Variants in SYT2 observed in about 807,000 individuals in gnomAD.
SYT2 encodes the protein synaptotagmin-2.
Under a neutral mutation model 39.9 loss-of-function variants are expected in SYT2, and 15 were observed. That is an observed-to-expected ratio of 0.38 (90% CI 0.25 to 0.58). The LOEUF is 0.58. Among genes scored for constraint, SYT2 ranks in the 20% least tolerant of loss-of-function variants. The probability of loss-of-function intolerance (pLI) is 0.70; values close to 1 mark genes in which losing one functional copy is unlikely to be tolerated. For synonymous variants in SYT2, 181 were observed against 204.5 expected (o/e 0.89, Z 0.98); for missense variants, 389 against 530.3 (o/e 0.73, Z 2.62).
At chr1:202,666,327 T>C (rs1692481925) in intron 1 of SYT2, among the ~76,000 whole-genome samples, 2 of 152,126 alleles carry the variant, frequency 1.3e-5, no homozygotes, top group Non-Finnish European at 2.9e-5. Context: ...TCCAGTTTGC[T>C]GGTGAAAATG....
intron 1 of SYT2, among the ~76,000 whole-genome samples, chr1:202,689,062 C>T (rs1004777448): frequency 6.6e-6 from 1 of 152,132 alleles, no homozygotes; most frequent in South Asian, 2.1e-4. Context: ...CGCCCCCAGA[C>T]TGAATCTCCT....
Position 202,596,290 on chromosome 1 carries a change from CACACACACACACACACAT to C in SYT2, c.*449_*466del, listed in dbSNP as rs1229088296. ...AAAGACACACACACACACACACACA[CACACACACACACACACAT>C]ACACACACACACACACACACACACA... On this transcript the variant is annotated 3_prime_UTR_variant, in exon 9 of 9. Coordinates refer to ENST00000367268, the MANE Select transcript of SYT2 (RefSeq NM_177402.5). 5,654 of 100,854 alleles carry C rather than the reference CACACACACACACACACAT, an allele frequency of 0.056. 241 individuals are homozygous for C. The highest frequency in any genetic ancestry group is 0.073 in the African/African-American group (1,452 of 19,846). 6.2% of individuals were successfully genotyped at this position (100,854 alleles called of 1,614,324 possible).
At chr1:202,706,258 G>A (rs967770964) in intron 1 of SYT2, among the ~76,000 whole-genome samples, 3 of 151,914 alleles carry the variant, frequency 2.0e-5, no homozygotes, top group South Asian at 2.1e-4. Flanking sequence ...CGAGTGAGGG[G>A]GATGAAATGC....
In SYT2 at chr1:202,591,663, G is replaced by A. The variant is rs1189649805; in HGVS notation, c.*5094C>T. On this transcript the variant is annotated 3_prime_UTR_variant, in exon 9 of 9. Transcript: ENST00000367268. ...TCTGTCAGACTGCAGGAGGATGCAC[G>A]AGGGAAGAGCGTCAGCCCCTGTATT... 6.5e-6 allele frequency: 1 copy of A among 152,672 alleles called. No individual in the cohort carries two copies. Among genetic ancestry groups the A allele is most frequent in the African/African-American group, 2.4e-5 (1 of 41,438 alleles). 9.5% of individuals were successfully genotyped at this position (152,672 alleles called of 1,614,324 possible).
intron 1 of SYT2, among the ~76,000 whole-genome samples, chr1:202,702,004 G>C (rs1654134072): frequency 6.6e-6 from 1 of 152,202 alleles, no homozygotes; most frequent in African/African-American, 2.4e-5. Flanking sequence ...AGAACATGCT[G>C]TGGGGGCCTC....
chr1:202,638,024 G>T (rs1260346825), intron 1 of SYT2, among the ~76,000 whole-genome samples: 12 of 152,252 alleles, frequency 7.9e-5, no homozygotes, highest in Non-Finnish European at 1.8e-4. Flanking sequence ...TCCCCGGTAG[G>T]AAGTCCTTCC....
chr1:202,681,874 C>T (rs1200318416), intron 1 of SYT2, among the ~76,000 whole-genome samples: 1 of 152,224 alleles, frequency 6.6e-6, no homozygotes, highest in Admixed American at 6.5e-5. Flanking sequence ...ATAAGCAATG[C>T]TGCTTGCTTG....
chr1:202,689,500 G>A (rs899079090), intron 1 of SYT2, among the ~76,000 whole-genome samples: 3 of 152,136 alleles, frequency 2.0e-5, no homozygotes, highest in African/African-American at 4.8e-5. Flanking sequence ...GGACTATCTT[G>A]GCAAACAGCT....
At chr1:202,613,068 C>CTTTTT (rs146069389) in intron 1 of SYT2, among the ~76,000 whole-genome samples, 2 of 75,120 alleles carry the variant, frequency 2.7e-5, no homozygotes, top group Admixed American at 1.7e-4. Flanking sequence ...TTGGTTCTTC[C>CTTTTT]TTTTTTTTTT....
chr1:202,629,073 G>A (rs1459710935), intron 1 of SYT2, among the ~76,000 whole-genome samples: 4 of 152,232 alleles, frequency 2.6e-5, no homozygotes, highest in Non-Finnish European at 5.9e-5. Context: ...GAAGCACACA[G>A]GGATGGCTCC....
chr1:202,633,296 C>T (rs1299857959), intron 1 of SYT2, among the ~76,000 whole-genome samples: 1 of 152,136 alleles, frequency 6.6e-6, no homozygotes, highest in African/African-American at 2.4e-5. Context: ...CCTCCAAAGA[C>T]GGCTGGGTAG....
rs1690272168 is a variant in SYT2, at chr1:202,596,050, A to T, written c.*707T>A. 2.0e-5 allele frequency: 3 copies of T among 152,102 alleles called. No individual in the cohort carries two copies. The highest frequency in any genetic ancestry group is 2.0e-4 in the Admixed American group (3 of 15,266). 9.4% of individuals were successfully genotyped at this position (152,102 alleles called of 1,614,324 possible). A position where few individuals can be genotyped will look rare whatever the true frequency, so the allele number is the denominator to read the frequency against. ...CTTGCTGCCTCCCAAATAGCCACCAACAGGAGTATGAAAGCCCCGATATCT... is the reference window on the plus strand; with the variant it reads ...CTTGCTGCCTCCCAAATAGCCACCATCAGGAGTATGAAAGCCCCGATATCT... On this transcript the variant is annotated 3_prime_UTR_variant, in exon 9 of 9. Transcript: ENST00000367268.
intron 1 of SYT2, among the ~76,000 whole-genome samples, chr1:202,650,488 T>G (rs1572658038): frequency 6.8e-6 from 1 of 147,020 alleles, no homozygotes; most frequent in South Asian, 2.1e-4. Flanking sequence ...CAGGCTGGAG[T>G]GCAATGGCAC....
intron 1 of SYT2, among the ~76,000 whole-genome samples, chr1:202,674,883 C>T (rs1653318610): frequency 1.0e-5 from 1 of 96,764 alleles, no homozygotes; most frequent in African/African-American, 3.0e-5. Flanking sequence ...CATGCTCTGC[C>T]CTGAGCACCA....
At chr1:202,637,959 C>T (rs918657383) in intron 1 of SYT2, among the ~76,000 whole-genome samples, 4 of 152,230 alleles carry the variant, frequency 2.6e-5, no homozygotes, top group Non-Finnish European at 4.4e-5. Context: ...TAAGGGAGTC[C>T]GGTGGATCAA....
Position 202,690,089 on chromosome 1 carries a change from C to G in SYT2, c.-18+20169G>C, listed in dbSNP as rs552983251. Among the ~76,000 whole-genome samples the G allele has an allele frequency of 5.3e-5, 8 of 152,000 alleles. No individual in the cohort carries two copies. In the East Asian group the frequency reaches 1.2e-3, roughly 22 times the overall value. On this transcript the variant is annotated intron_variant, in intron 1 of 8. Coordinates refer to ENST00000367268, the MANE Select transcript of SYT2 (RefSeq NM_177402.5). Reference sequence around the variant, plus strand: ...AGCTGGGGACGCAGCAACGGAACAGCTGGAACTGAGACCTACACCCACTCT... The same window carrying G: ...AGCTGGGGACGCAGCAACGGAACAGGTGGAACTGAGACCTACACCCACTCT...
intron 1 of SYT2, among the ~76,000 whole-genome samples, chr1:202,699,571 AG>A (rs763029963): frequency 2.0e-5 from 3 of 152,200 alleles, no homozygotes; most frequent in Non-Finnish European, 4.4e-5. Context: ...CTCTGTAAAT[AG>A]GGGTAATAGA....
intron 1 of SYT2, among the ~76,000 whole-genome samples, chr1:202,668,659 G>A (rs565676699): frequency 2.4e-4 from 37 of 152,330 alleles, no homozygotes; most frequent in African/African-American, 8.9e-4. Context: ...TTGCCTTGAA[G>A]TATTTCTTAT....
chr1:202,686,278 T>C (rs1340739965), intron 1 of SYT2, among the ~76,000 whole-genome samples: 1 of 152,162 alleles, frequency 6.6e-6, no homozygotes, highest in Non-Finnish European at 1.5e-5. Context: ...ACCTCTTTTC[T>C]TATAAATTAC....
Sources: gnomAD v4.1 joint callset for allele counts (sites outside exome capture counted in the v4.1 genomes callset) on GRCh38, gnomAD v4.1.1 for gene constraint, MANE v1.5 for transcripts, NCBI Gene and HGNC (gene_info 2026-07-23, HGNC 2026-07-21) for gene names.